The following ELP4 variants were observed in gnomAD, a reference collection of about 807,000 sequenced individuals.
The protein encoded by ELP4 is elongator acetyltransferase complex subunit 4.
Under a neutral mutation model 48.9 loss-of-function variants are expected in ELP4, and 51 were observed. That is an observed-to-expected ratio of 1.04 (90% CI 0.83 to 1.32). The LOEUF is 1.32. Ranked by LOEUF, ELP4 falls within the 40% of genes most tolerant of loss-of-function variation. The probability of loss-of-function intolerance (pLI) is 0.00; values close to 1 mark genes in which losing one functional copy is unlikely to be tolerated. For synonymous variants in ELP4, 210 were observed against 189.2 expected, an observed-to-expected ratio of 1.11 and a Z score of -0.90; for missense variants, 519 against 514.6, an observed-to-expected ratio of 1.01 and a Z score of -0.08.
intron 3 of ELP4, among the ~76,000 whole-genome samples, chr11:31,588,674 A>G (rs1025768622): frequency 1.3e-5 from 2 of 152,208 alleles, no homozygotes; most frequent in Non-Finnish European, 2.9e-5. Flanking sequence ...TATAAGTTCA[A>G]TATTTTGCAG....
At chr11:31,589,741 T>G (rs1212587182) in intron 3 of ELP4, among the ~76,000 whole-genome samples, 3 of 152,242 alleles carry the variant, frequency 2.0e-5, no homozygotes, top group Non-Finnish European at 2.9e-5. Flanking sequence ...TCCATCAGTT[T>G]TGACCTTATC....
At chr11:31,700,178 A>C (rs2134155058) in intron 9 of ELP4, among the ~76,000 whole-genome samples, 1 of 152,138 alleles carries the variant, frequency 6.6e-6, no homozygotes, top group Non-Finnish European at 1.5e-5. Context: ...TTCAGAAAAG[A>C]CTAATTATGG....
At chr11:31,675,268 CTT>C (rs34575941) in intron 9 of ELP4, among the ~76,000 whole-genome samples, 1,562 of 146,072 alleles carry the variant, frequency 0.011, 12 homozygotes, top group Middle Eastern at 0.039. Context: ...TACATTTAAT[CTT>C]TTTTTTTTTT....
intron 9 of ELP4, among the ~76,000 whole-genome samples, chr11:31,780,435 A>G (rs999284221): frequency 6.6e-6 from 1 of 152,222 alleles, no homozygotes; most frequent in African/African-American, 2.4e-5. Flanking sequence ...AATCAACAAA[A>G]GCAGGCAAAA....
intron 9 of ELP4, among the ~76,000 whole-genome samples, chr11:31,764,365 A>T (rs1260190843): frequency 6.6e-6 from 1 of 152,190 alleles, no homozygotes; most frequent in East Asian, 1.9e-4. Context: ...TAACACTGTC[A>T]TGGAAAGTAA....
chr11:31,620,378 A>G (rs1005444088), intron 5 of ELP4, among the ~76,000 whole-genome samples: 1 of 152,066 alleles, frequency 6.6e-6, no homozygotes, highest in Non-Finnish European at 1.5e-5. Context: ...TGTGGTAGAC[A>G]ATGATATAGA....
chr11:31,544,733 C>G (rs1024023022), intron 3 of ELP4, among the ~76,000 whole-genome samples: 40 of 152,342 alleles, frequency 2.6e-4, no homozygotes, highest in African/African-American at 9.1e-4. Context: ...CCCTGAGCAG[C>G]CTAACTGGGA....
At chr11:31,593,219 GAAT>G (rs1957614077) in intron 3 of ELP4, among the ~76,000 whole-genome samples, 2 of 126,140 alleles carry the variant, frequency 1.6e-5, no homozygotes, top group Non-Finnish European at 3.3e-5. Flanking sequence ...CCATTGAAGT[GAAT>G]AATACTGTTG....
At chr11:31,617,502 A>G (rs1225089826) in intron 5 of ELP4, among the ~76,000 whole-genome samples, 2 of 151,976 alleles carry the variant, frequency 1.3e-5, no homozygotes, top group African/African-American at 4.8e-5. Flanking sequence ...AGTTCTGGAG[A>G]TCTGTTTAAC....
chr11:31,690,576 A>G (rs1440260092), intron 9 of ELP4, among the ~76,000 whole-genome samples: 1 of 152,104 alleles, frequency 6.6e-6, no homozygotes, highest in African/African-American at 2.4e-5. Flanking sequence ...CTTACACTGA[A>G]TTAGTTTACA....
intron 9 of ELP4, among the ~76,000 whole-genome samples, chr11:31,782,732 T>A (rs1948405543): frequency 6.6e-6 from 1 of 152,128 alleles, no homozygotes. Context: ...TTTGAAAACA[T>A]GACCCAACAT....
At chr11:31,750,569 T>G (rs925231394) in intron 9 of ELP4, among the ~76,000 whole-genome samples, 13 of 152,212 alleles carry the variant, frequency 8.5e-5, no homozygotes, top group Admixed American at 6.5e-5. Context: ...ATGTTGTCCT[T>G]GTACTGTTGC....
At chr11:31,553,954 A>C (rs1451156900) in intron 3 of ELP4, among the ~76,000 whole-genome samples, 4 of 152,142 alleles carry the variant, frequency 2.6e-5, no homozygotes, top group Non-Finnish European at 5.9e-5. Flanking sequence ...TTACTGCCTG[A>C]GCTCTACCTC....
In ELP4 at chr11:31,594,914, A is replaced by T; in HGVS notation, c.513+13A>T. The T allele has an allele frequency of 6.5e-7, 1 of 1,545,246 alleles. No individual in the cohort carries two copies. The highest frequency in any genetic ancestry group is 1.3e-5 in the South Asian group (1 of 76,508). ...ACCCAAGATGGAGGCAAGTAAACAT[A>T]CAAATTCTTTCCAAAATTTGCAAAT... On this transcript the variant is annotated intron_variant, in intron 4 of 9. Coordinates refer to ENST00000640961, the MANE Select transcript of ELP4 (RefSeq NM_019040.5).
intron 5 of ELP4, among the ~76,000 whole-genome samples, chr11:31,611,439 A>T (rs1957977304): frequency 1.3e-5 from 2 of 152,140 alleles, no homozygotes; most frequent in African/African-American, 4.8e-5. Context: ...CTCATTCAGG[A>T]TAGTAAATCC....
intron 4 of ELP4, among the ~76,000 whole-genome samples, chr11:31,596,561 T>A (rs779628708): frequency 6.6e-6 from 1 of 152,188 alleles, no homozygotes; most frequent in Non-Finnish European, 1.5e-5. Flanking sequence ...TAATCAATAA[T>A]AATGATAAAT....
intron 9 of ELP4, among the ~76,000 whole-genome samples, chr11:31,670,548 A>T (rs1401199032): frequency 1.3e-5 from 2 of 152,180 alleles, no homozygotes; most frequent in Non-Finnish European, 2.9e-5. Flanking sequence ...TTGTTTTCCA[A>T]GTAGGAGACT....
chr11:31,555,555 A>G, intron 3 of ELP4, among the ~76,000 whole-genome samples: 1 of 151,868 alleles, frequency 6.6e-6, no homozygotes, highest in South Asian at 2.1e-4. Context: ...TTTTACTATG[A>G]AAAAGTACAA....
intron 9 of ELP4, among the ~76,000 whole-genome samples, chr11:31,669,194 G>A (rs1299278678): frequency 6.6e-6 from 1 of 151,928 alleles, no homozygotes; most frequent in Non-Finnish European, 1.5e-5. Flanking sequence ...TGCCTCCCAG[G>A]TTCAAGGGAT....
Sources: allele counts gnomAD v4.1 joint callset (sites outside exome capture counted in the v4.1 genomes callset), GRCh38; gene constraint gnomAD v4.1.1; transcripts MANE v1.5; gene names NCBI Gene and HGNC (gene_info 2026-07-23, HGNC 2026-07-21).